Variants in ARL15 observed in about 807,000 individuals in gnomAD.
ARL15 encodes the protein ADP-ribosylation factor-like protein 15.
A neutral mutation model predicts 25.2 loss-of-function variants in ARL15; 19 were observed. That is an observed-to-expected ratio of 0.75 (90% CI 0.53 to 1.10). The LOEUF (loss-of-function observed/expected upper bound fraction) is 1.10. Ranked by LOEUF, ARL15 falls within the 50% of genes least tolerant of loss-of-function variation. The probability of loss-of-function intolerance (pLI) is 0.00; values close to 1 mark genes in which losing one functional copy is unlikely to be tolerated. For synonymous variants in ARL15, 94 were observed against 86.8 expected (o/e 1.08, Z -0.46); for missense variants, 220 against 246.0 (o/e 0.89, Z 0.71).
Position 54,208,435 on chromosome 5 carries a change from C to T in ARL15, c.49-36507G>A, listed in dbSNP as rs571661696. ...ACACACGCACACACACACATATTCA[C>T]ACACCAAAGCACACCATGAAATTTC... On this transcript the variant is annotated intron_variant, in intron 1 of 4. Coordinates refer to ENST00000504924, the MANE Select transcript of ARL15 (RefSeq NM_019087.3). 2.6e-5 allele frequency among the ~76,000 whole-genome samples: 4 copies of T among 152,138 alleles called. 1 individual carries two copies. The East Asian group carries it at 5.8e-4, about 22-fold the overall frequency.
chr5:54,186,851 T>A (rs1755253866), intron 1 of ARL15, among the ~76,000 whole-genome samples: 1 of 147,964 alleles, frequency 6.8e-6, no homozygotes, highest in Non-Finnish European at 1.5e-5. Flanking sequence ...TTTACTAGAA[T>A]AAAGTCTCAG....
At chr5:53,958,854 G>A (rs1375516184) in intron 4 of ARL15, among the ~76,000 whole-genome samples, 1 of 152,154 alleles carries the variant, frequency 6.6e-6, no homozygotes, top group African/African-American at 2.4e-5. Context: ...TTCATCAGAA[G>A]ATATAACAAT....
At chr5:54,159,011 C>T (rs745899312) in intron 2 of ARL15, among the ~76,000 whole-genome samples, 21 of 152,164 alleles carry the variant, frequency 1.4e-4, no homozygotes, top group South Asian at 4.1e-4. Flanking sequence ...AGCCTAAATA[C>T]TGGTAAAGTC....
chr5:54,218,415 C>A (rs1441662631), intron 1 of ARL15, among the ~76,000 whole-genome samples: 1 of 152,134 alleles, frequency 6.6e-6, no homozygotes, highest in Middle Eastern at 3.2e-3. Flanking sequence ...TACACTGTAT[C>A]CCGTATCCCC....
At chr5:53,904,738 C>CT (rs35684823) in intron 4 of ARL15, among the ~76,000 whole-genome samples, 78,218 of 126,080 alleles carry the variant, frequency 0.62, 25,357 homozygotes, top group Non-Finnish European at 0.7. Context: ...TTTTTAGTTC[C>CT]TTTTTTTTTT....
At chr5:54,176,710 C>A (rs1015956076) in intron 1 of ARL15, among the ~76,000 whole-genome samples, 1 of 152,178 alleles carries the variant, frequency 6.6e-6, no homozygotes, top group Non-Finnish European at 1.5e-5. Context: ...AGTTTCCCCA[C>A]GATTAACCAG....
At chr5:54,006,128 T>C (rs1749032707) in intron 4 of ARL15, among the ~76,000 whole-genome samples, 3 of 151,270 alleles carry the variant, frequency 2.0e-5, no homozygotes, top group Non-Finnish European at 2.9e-5. Flanking sequence ...GGCAAACCCC[T>C]TTAAATTTAG....
intron 4 of ARL15, chr5:53,951,435 T>C (rs2112117302): frequency 2.2e-6 from 1 of 461,108 alleles, no homozygotes; most frequent in South Asian, 1.6e-5. Flanking sequence ...TTCCTAAATG[T>C]TTACTCTCAA....
At position 53,909,350 on chromosome 5, in the gene ARL15, T is replaced by C. The variant is rs146636453; in HGVS notation, c.463-22637A>G. Among the ~76,000 whole-genome samples, 40 of 152,334 alleles carry C rather than the reference T, an allele frequency of 2.6e-4. No individual in the cohort carries two copies. In the East Asian group the frequency reaches 4.6e-3, roughly 18 times the overall value. On this transcript the variant is annotated intron_variant, in intron 4 of 4. Coordinates refer to ENST00000504924, the MANE Select transcript of ARL15 (RefSeq NM_019087.3). The stretch of plus-strand genomic sequence containing the variant: ...ACTTTTATATATCTTTATGTATTTC[T>C]GAATAATTGGACTTAAAATAATAAG...
At chr5:54,165,109 T>C (rs889567587) in intron 2 of ARL15, among the ~76,000 whole-genome samples, 1 of 152,098 alleles carries the variant, frequency 6.6e-6, no homozygotes, top group African/African-American at 2.4e-5. Context: ...ACTTCACATA[T>C]AGTACAAGAA....
At chr5:54,199,653 G>A (rs1755655242) in intron 1 of ARL15, among the ~76,000 whole-genome samples, 2 of 151,538 alleles carry the variant, frequency 1.3e-5, no homozygotes, top group Admixed American at 1.3e-4. Context: ...AACAGGTGCT[G>A]GAGAGGATGT....
chr5:54,212,834 G>A (rs981714), intron 1 of ARL15, among the ~76,000 whole-genome samples: 2 of 152,036 alleles, frequency 1.3e-5, no homozygotes, highest in Non-Finnish European at 2.9e-5. Flanking sequence ...GTGATTTAAT[G>A]GGGGGGAGAT....
At position 54,265,389 on chromosome 5, in the gene ARL15, T is replaced by A. The variant is rs1189031278; in HGVS notation, c.48+45043A>T. The stretch of plus-strand genomic sequence containing the variant: ...GAGTGCTGCCACTTTAAAGACTACT[T>A]ACAGGACATTTTAGGGGACATAAAA... On this transcript the variant is annotated intron_variant, in intron 1 of 4. Transcript: ENST00000504924. 2.0e-5 allele frequency among the ~76,000 whole-genome samples: 3 copies of A among 152,176 alleles called. No homozygotes were observed. In the East Asian group the frequency reaches 5.8e-4, roughly 29 times the overall value.
chr5:53,931,446 T>C (rs1337080629), intron 4 of ARL15, among the ~76,000 whole-genome samples: 1 of 152,234 alleles, frequency 6.6e-6, no homozygotes, highest in African/African-American at 2.4e-5. Context: ...ATGGTGTGCC[T>C]GATGCAGTCC....
intron 4 of ARL15, among the ~76,000 whole-genome samples, chr5:54,107,529 AAT>A (rs1946182821): frequency 6.6e-6 from 1 of 152,122 alleles, no homozygotes; most frequent in Non-Finnish European, 1.5e-5. Flanking sequence ...TGTGTTGAAA[AAT>A]AGTGAGAAAA....
At chr5:54,296,372 T>A (rs1044760912) in intron 1 of ARL15, among the ~76,000 whole-genome samples, 2 of 152,244 alleles carry the variant, frequency 1.3e-5, no homozygotes, top group African/African-American at 4.8e-5. Context: ...TATTTAATAC[T>A]ATCATTACAC....
At chr5:54,053,663 T>A (rs1405892679) in intron 4 of ARL15, among the ~76,000 whole-genome samples, 1 of 152,154 alleles carries the variant, frequency 6.6e-6, no homozygotes, top group East Asian at 1.9e-4. Context: ...ATCTTCCTTC[T>A]AAGTGTAATC....
At chr5:54,090,783 G>A (rs574778338) in intron 4 of ARL15, among the ~76,000 whole-genome samples, 10 of 152,190 alleles carry the variant, frequency 6.6e-5, no homozygotes, top group Admixed American at 5.2e-4. Context: ...CTTGCCATGG[G>A]ACTCTCTTTT....
intron 4 of ARL15, among the ~76,000 whole-genome samples, chr5:53,919,030 T>C (rs1310943224): frequency 1.3e-5 from 2 of 152,184 alleles, no homozygotes; most frequent in Non-Finnish European, 2.9e-5. Flanking sequence ...GTTTATCTTA[T>C]AAACACCAGG....
Sources: allele counts gnomAD v4.1 joint callset (sites outside exome capture counted in the v4.1 genomes callset), GRCh38; gene constraint gnomAD v4.1.1; transcripts MANE v1.5; gene names NCBI Gene and HGNC (gene_info 2026-07-23, HGNC 2026-07-21).